STON2: variants seen among roughly 807,000 people sequenced by gnomAD.
STON2 encodes the protein stonin-2.
Under a neutral mutation model 65.7 loss-of-function variants are expected in STON2, and 29 were observed. The ratio of observed to expected loss-of-function variants is 0.44; its 90% CI spans 0.33 to 0.60. The LOEUF (loss-of-function observed/expected upper bound fraction) is 0.60. Ranked by LOEUF, STON2 falls within the 20% of genes least tolerant of loss-of-function variation. STON2 has a pLI of 0.03. For synonymous variants in STON2, 404 were observed against 414.2 expected (o/e 0.98, Z 0.30); for missense variants, 1,054 against 1,118.1 (o/e 0.94, Z 0.82).
At position 81,371,411 on chromosome 14, in the gene STON2, C is replaced by A. The variant is rs142861703; in HGVS notation, c.374-226G>T. 2.0e-4 allele frequency among the ~76,000 whole-genome samples: 30 copies of A among 152,152 alleles called. No homozygotes were observed. The East Asian group carries it at 5.8e-3, about 30-fold the overall frequency. ...TCAAAACCAGTACGAAAAGTAAGGT[C>A]CTGGCTGGGTGCGGTGGCTCACGCC... On this transcript the variant is annotated intron_variant, in intron 3 of 7. Coordinates refer to ENST00000614646, the MANE Select transcript of STON2 (RefSeq NM_001394390.1).
At chr14:81,433,285 A>G (rs1425530521) in intron 1 of STON2, among the ~76,000 whole-genome samples, 1 of 152,182 alleles carries the variant, frequency 6.6e-6, no homozygotes, top group Non-Finnish European at 1.5e-5. Flanking sequence ...AGGCCACCGT[A>G]TTTGCCCTGG....
chr14:81,328,667 G>T (rs916295799), intron 4 of STON2, among the ~76,000 whole-genome samples: 2 of 152,126 alleles, frequency 1.3e-5, no homozygotes, highest in African/African-American at 4.8e-5. Flanking sequence ...TTGAAGGGGG[G>T]TGCCTAATGG....
At chr14:81,273,661 G>T (rs1167197228) in intron 6 of STON2, among the ~76,000 whole-genome samples, 2 of 152,126 alleles carry the variant, frequency 1.3e-5, no homozygotes, top group African/African-American at 2.4e-5. Context: ...CGGGAGTCAC[G>T]TTGGAATTCA....
intron 3 of STON2, among the ~76,000 whole-genome samples, chr14:81,394,496 T>C (rs1019033721): frequency 3.3e-5 from 5 of 152,280 alleles, no homozygotes; most frequent in Middle Eastern, 3.4e-3. Context: ...CCTGTGAATA[T>C]GTTACTTTAT....
At chr14:81,428,640 T>G (rs1179466623) in intron 1 of STON2, among the ~76,000 whole-genome samples, 1 of 152,134 alleles carries the variant, frequency 6.6e-6, no homozygotes, top group Non-Finnish European at 1.5e-5. Flanking sequence ...TGAGAATCGC[T>G]TGAACCCAGG....
At chr14:81,312,723 T>C (rs1259198311) in intron 5 of STON2, among the ~76,000 whole-genome samples, 1 of 152,254 alleles carries the variant, frequency 6.6e-6, no homozygotes, top group Non-Finnish European at 1.5e-5. Flanking sequence ...AGCTCTGGTT[T>C]CATGATGCAT....
At chr14:81,290,745 T>C (rs188072852) in intron 5 of STON2, among the ~76,000 whole-genome samples, 55 of 152,312 alleles carry the variant, frequency 3.6e-4, no homozygotes, top group Non-Finnish European at 3.4e-4. Flanking sequence ...AAATAGCTCA[T>C]GTATGCAGTA....
At chr14:81,290,546 G>A (rs897434205) in intron 5 of STON2, among the ~76,000 whole-genome samples, 1 of 152,048 alleles carries the variant, frequency 6.6e-6, no homozygotes, top group Non-Finnish European at 1.5e-5. Flanking sequence ...TCATTTCCAG[G>A]AGAAACTCAA....
chr14:81,346,143 C>T (rs1163874834), intron 4 of STON2, among the ~76,000 whole-genome samples: 1 of 152,184 alleles, frequency 6.6e-6, no homozygotes, highest in Non-Finnish European at 1.5e-5. Flanking sequence ...AAGTCATTCT[C>T]TCCTTTGAAG....
At chr14:81,435,996 C>T (rs1345510984) in intron 1 of STON2, 1 of 152,426 alleles carries the variant, frequency 6.6e-6, no homozygotes, top group Non-Finnish European at 1.5e-5. Context: ...ATGAAGACAT[C>T]CTGGGCGTCC....
At position 81,262,456 on chromosome 14, in the gene STON2, T is replaced by G. The variant is rs962725168; in HGVS notation, c.*5958A>C. On this transcript the variant is annotated 3_prime_UTR_variant, in exon 8 of 8. Transcript: ENST00000614646. ...TTTACTATGCAATCTTTATTTTTCC[T>G]GGAGCTTCTTACTTTTAACTTTAAG... The G allele has an allele frequency of 6.5e-5, 64 of 985,262 alleles. No homozygotes were observed. The African/African-American group carries it at 1.0e-3, about 16-fold the overall frequency. The allele number at this position is 985,262 out of a possible 1,614,324, so 61.0% of individuals were successfully genotyped here.
Position 81,278,053 on chromosome 14 carries a change from C to G in STON2, c.1429G>C (p.Ala477Pro), listed in dbSNP as rs748106460. Residue 477 changes from alanine (A) to proline (P), a missense_variant, in exon 6 of 8, where the codon GCA becomes CCA. Transcript: ENST00000614646. ...CACCCGTCACGAGGCTGGGACCGTG[C>G]TGATCCAGGCGGGTGAGCATCTAGT... Reference protein sequence around the residue: ...IELDAHPPGSARSQPRDGWPM... With the variant: ...IELDAHPPGSPRSQPRDGWPM... 5 of 1,614,084 alleles carry G rather than the reference C, an allele frequency of 3.1e-6. No individual in the cohort carries two copies. Among genetic ancestry groups the G allele is most frequent in the Non-Finnish European group, 4.2e-6 (5 of 1,180,054 alleles).
rs1054580752 is a variant in STON2, at chr14:81,265,749, C to A, written c.*2665G>T. 8.2e-6 allele frequency: 8 copies of A among 975,424 alleles called. No individual in the cohort carries two copies. Among genetic ancestry groups the A allele is most frequent in the African/African-American group, 7.3e-5 (4 of 54,844 alleles). 60.4% of individuals were successfully genotyped at this position (975,424 alleles called of 1,614,324 possible). A position where few individuals can be genotyped will look rare whatever the true frequency, so the allele number is the denominator to read the frequency against. On this transcript the variant is annotated 3_prime_UTR_variant, in exon 8 of 8. Coordinates refer to ENST00000614646, the MANE Select transcript of STON2 (RefSeq NM_001394390.1). ...ATAGCATAGAAGGGATTTTTCCCAA[C>A]TCTTGGTAAAAAAAACAAAAAAGTC...
In STON2 at chr14:81,277,632, C is replaced by T. The variant is rs1455945807; in HGVS notation, c.1850G>A (p.Ser617Asn). ...MDLPVLSMDLSTVGLNYLEEE... is the reference protein window; with the variant it reads ...MDLPVLSMDLNTVGLNYLEEE... Reference sequence around the variant, plus strand: ...TTCAAGGTAGTTGAGGCCAACTGTGCTCAAGTCCATTGACAACACTGGCAG... The same window carrying T: ...TTCAAGGTAGTTGAGGCCAACTGTGTTCAAGTCCATTGACAACACTGGCAG... Residue 617 changes from serine to asparagine, a missense_variant, in exon 6 of 8, where the codon AGC (serine) becomes AAC (asparagine). Coordinates refer to ENST00000614646, the MANE Select transcript of STON2 (RefSeq NM_001394390.1). The T allele has an allele frequency of 3.7e-6, 6 of 1,614,180 alleles. No homozygotes were observed. The Admixed American group carries it at 8.3e-5, about 22-fold the overall frequency.
rs567856921 is a variant in STON2 at position 81,366,354 on chromosome 14, C to A, written c.571+4634G>T. ...TGGCTCTGCTCTCGGCAGCCCACTA[C>A]CAAGCAAGGGGGCCAAGGCAAATAG... On this transcript the variant is annotated intron_variant, in intron 4 of 7. Transcript: ENST00000614646. 4.6e-5 allele frequency among the ~76,000 whole-genome samples: 7 copies of A among 152,308 alleles called. No homozygotes were observed. The East Asian group carries it at 1.4e-3, about 29-fold the overall frequency.
chr14:81,269,689 C>T (rs1255733535), intron 7 of STON2: 13 of 984,986 alleles, frequency 1.3e-5, no homozygotes, highest in Non-Finnish European at 1.6e-5. Context: ...CAATAAATCA[C>T]CATATAAATC....
chr14:81,285,022 C>T (rs1415086311), intron 5 of STON2, among the ~76,000 whole-genome samples: 1 of 152,200 alleles, frequency 6.6e-6, no homozygotes, highest in Non-Finnish European at 1.5e-5. Context: ...AAAAATATTA[C>T]TACGCACTGA....
intron 2 of STON2, among the ~76,000 whole-genome samples, chr14:81,407,143 G>A (rs759548892): frequency 6.6e-6 from 1 of 152,172 alleles, no homozygotes; most frequent in Non-Finnish European, 1.5e-5. Context: ...CATAGATGTT[G>A]CTGTTTTGTG....
chr14:81,346,124 A>G (rs1322750410), intron 4 of STON2, among the ~76,000 whole-genome samples: 1 of 152,208 alleles, frequency 6.6e-6, no homozygotes, highest in Non-Finnish European at 1.5e-5. Context: ...TGACCCAATG[A>G]AAGTTGTGAA....
Sources: allele counts gnomAD v4.1 joint callset (sites outside exome capture counted in the v4.1 genomes callset), GRCh38; gene constraint gnomAD v4.1.1; transcripts MANE v1.5; gene names NCBI Gene and HGNC (gene_info 2026-07-23, HGNC 2026-07-21).